The following CPA6 variants were observed in gnomAD, a reference collection of about 807,000 sequenced individuals.
CPA6 encodes carboxypeptidase A6, also known as carboxypeptidase B.
In CPA6, 58 loss-of-function variants were observed where a neutral mutation model predicts 63.3. The observed-to-expected ratio is 0.92, with a 90% CI of 0.74 to 1.14. The LOEUF (loss-of-function observed/expected upper bound fraction) is 1.14. Ranked by LOEUF, CPA6 falls within the 50% of genes most tolerant of loss-of-function variation. The probability of loss-of-function intolerance (pLI) is 0.00; values close to 1 mark genes in which losing one functional copy is unlikely to be tolerated. For synonymous variants in CPA6, 185 were observed against 179.0 expected (o/e 1.03, Z -0.27); for missense variants, 565 against 526.6 (o/e 1.07, Z -0.71).
chr8:67,663,057 C>T (rs903269660), intron 1 of CPA6, among the ~76,000 whole-genome samples: 2 of 152,196 alleles, frequency 1.3e-5, no homozygotes, highest in Non-Finnish European at 1.5e-5. Flanking sequence ...CTCCAGAAGA[C>T]GTCATGGCAA....
At position 67,434,297 on chromosome 8, in the gene CPA6, A is replaced by G. The variant is rs1280166333; in HGVS notation, c.839-57T>C. ...AGTGGGCAGGGAAGAAACAAGAAAC[A>G]CAAATCAGCACTGTTAAGCTGTGAT... On this transcript the variant is annotated intron_variant, in intron 8 of 10. Coordinates refer to ENST00000297770, the MANE Select transcript of CPA6 (RefSeq NM_020361.5). The G allele has an allele frequency of 2.7e-5, 36 of 1,324,790 alleles. 2 individuals are homozygous for G. The East Asian group carries it at 8.1e-4, about 30-fold the overall frequency. The allele number at this position is 1,324,790 out of a possible 1,614,324, so 82.1% of individuals were successfully genotyped here. A position where few individuals can be genotyped will look rare whatever the true frequency, so the allele number is the denominator to read the frequency against.
intron 8 of CPA6, among the ~76,000 whole-genome samples, chr8:67,474,842 G>A (rs1811139267): frequency 6.6e-6 from 1 of 152,078 alleles, no homozygotes; most frequent in African/African-American, 2.4e-5. Context: ...AGTCAGGTAT[G>A]ATGGCTCACA....
At chr8:67,636,600 T>C (rs6472326) in intron 1 of CPA6, among the ~76,000 whole-genome samples, 57,698 of 151,136 alleles carry the variant, frequency 0.38, 12,727 homozygotes, top group African/African-American at 0.58. Context: ...CTTAAAAAAC[T>C]GTGTGTTTTC....
At chr8:67,666,532 T>C (rs62511383) in intron 1 of CPA6, among the ~76,000 whole-genome samples, 36,525 of 151,912 alleles carry the variant, frequency 0.24, 4,633 homozygotes, top group South Asian at 0.31. Flanking sequence ...AACAGAAAGT[T>C]CCCCTTGGCT....
Position 67,488,857 on chromosome 8 carries a change from C to G in CPA6, c.637-4068G>C, listed in dbSNP as rs1340388993. Among the ~76,000 whole-genome samples, 3 of 152,016 alleles carry G rather than the reference C, an allele frequency of 2.0e-5. No homozygotes were observed. In the East Asian group the frequency reaches 5.8e-4, roughly 29 times the overall value. ...ACTCATGATTTGGCTCTCTGTTTGT[C>G]TGTTATTGGTGTAAGAATGCTTGTG... On this transcript the variant is annotated intron_variant, in intron 6 of 10. Coordinates refer to ENST00000297770, the MANE Select transcript of CPA6 (RefSeq NM_020361.5).
At chr8:67,610,324 C>T (rs1235578121) in intron 2 of CPA6, among the ~76,000 whole-genome samples, 3 of 152,178 alleles carry the variant, frequency 2.0e-5, no homozygotes, top group Non-Finnish European at 2.9e-5. Context: ...TGTGATTGCA[C>T]CACTGCATTC....
At chr8:67,469,864 T>C (rs1252179118) in intron 8 of CPA6, among the ~76,000 whole-genome samples, 5 of 152,156 alleles carry the variant, frequency 3.3e-5, no homozygotes, top group African/African-American at 9.7e-5. Context: ...TCTCTCTTTT[T>C]TTCCCCTTCC....
At chr8:67,498,998 A>G (rs1057411715) in intron 6 of CPA6, among the ~76,000 whole-genome samples, 3 of 152,252 alleles carry the variant, frequency 2.0e-5, no homozygotes, top group Admixed American at 6.5e-5. Context: ...ACTAGGAACT[A>G]TCAATTATTT....
At chr8:67,496,900 G>A (rs981880324) in intron 6 of CPA6, among the ~76,000 whole-genome samples, 9 of 151,714 alleles carry the variant, frequency 5.9e-5, no homozygotes, top group African/African-American at 2.2e-4. Flanking sequence ...TACTCTTTAG[G>A]TATCCACCCC....
intron 6 of CPA6, among the ~76,000 whole-genome samples, chr8:67,499,697 T>G (rs535301534): frequency 6.6e-6 from 1 of 152,336 alleles, no homozygotes; most frequent in South Asian, 2.1e-4. Flanking sequence ...CTGTTCTCCA[T>G]TTCCATAATT....
Position 67,673,393 on chromosome 8 carries a change from T to TTATTTA in CPA6, c.117-49143_117-49142insTAAATA, listed in dbSNP as rs1271266388. On this transcript the variant is annotated intron_variant, in intron 1 of 10. Transcript: ENST00000297770. ...ATTATTATTATTATTTATTTATTTTTTTTTTTTTGAGACTGAATCTCGCTC... is the reference window on the plus strand; with the variant it reads ...ATTATTATTATTATTTATTTATTTTTTATTTATTTTTTTTGAGACTGAATCTCGCTC... 6.9e-3 allele frequency among the ~76,000 whole-genome samples: 977 copies of TTATTTA among 142,492 alleles called. 17 individuals carry two copies. The highest frequency in any genetic ancestry group is 0.023 in the African/African-American group (862 of 37,306). The allele number at this position is 142,492 out of a possible 152,430, so 93.5% of individuals were successfully genotyped here.
At chr8:67,668,386 C>T (rs1816275939) in intron 1 of CPA6, among the ~76,000 whole-genome samples, 1 of 152,196 alleles carries the variant, frequency 6.6e-6, no homozygotes, top group South Asian at 2.1e-4. Flanking sequence ...CCGTTAGTTA[C>T]ACACACAGGC....
chr8:67,632,727 C>A (rs1341503237), intron 1 of CPA6, among the ~76,000 whole-genome samples: 1 of 152,110 alleles, frequency 6.6e-6, no homozygotes, highest in East Asian at 1.9e-4. Context: ...ATATATGAAG[C>A]AGTGAGATGT....
intron 2 of CPA6, among the ~76,000 whole-genome samples, chr8:67,556,940 G>A (rs926043984): frequency 1.3e-5 from 2 of 152,218 alleles, no homozygotes; most frequent in South Asian, 4.1e-4. Flanking sequence ...GCTTCACTGA[G>A]CCACCTCTTT....
At chr8:67,719,236 G>A (rs541936839) in intron 1 of CPA6, among the ~76,000 whole-genome samples, 2 of 152,234 alleles carry the variant, frequency 1.3e-5, no homozygotes, top group South Asian at 4.1e-4. Context: ...GGGGAGAGAT[G>A]TCCCTGTGGG....
At chr8:67,460,199 G>C (rs975799304) in intron 8 of CPA6, among the ~76,000 whole-genome samples, 1 of 152,144 alleles carries the variant, frequency 6.6e-6, no homozygotes, top group African/African-American at 2.4e-5. Context: ...AGTATTATTC[G>C]TACTGGCCCA....
chr8:67,588,133 T>C (rs905521593), intron 2 of CPA6, among the ~76,000 whole-genome samples: 2 of 152,114 alleles, frequency 1.3e-5, no homozygotes. Context: ...TTGGTGTAAA[T>C]GAATGGTGTG....
chr8:67,535,452 G>A (rs1393840902), intron 2 of CPA6, among the ~76,000 whole-genome samples: 2 of 152,204 alleles, frequency 1.3e-5, no homozygotes, highest in Non-Finnish European at 2.9e-5. Flanking sequence ...TTTCTCTGAT[G>A]ACCAGTGATG....
At chr8:67,718,509 A>AT (rs1280046049) in intron 1 of CPA6, among the ~76,000 whole-genome samples, 1 of 152,146 alleles carries the variant, frequency 6.6e-6, no homozygotes, top group Non-Finnish European at 1.5e-5. Context: ...CCACACAGGC[A>AT]TTTTTTTCAT....
Sources: allele counts gnomAD v4.1 joint callset (sites outside exome capture counted in the v4.1 genomes callset), GRCh38; gene constraint gnomAD v4.1.1; transcripts MANE v1.5; gene names NCBI Gene and HGNC (gene_info 2026-07-23, HGNC 2026-07-21).